The following APPL1 variants were observed in gnomAD, a reference collection of about 807,000 sequenced individuals.
APPL1 encodes adaptor protein, phosphotyrosine interacting with PH domain and leucine zipper 1.
A neutral mutation model predicts 106.8 loss-of-function variants in APPL1; 42 were observed. The ratio of observed to expected loss-of-function variants is 0.39; its 90% CI spans 0.31 to 0.51. APPL1 has a LOEUF of 0.51. Among genes scored for constraint, APPL1 ranks in the 20% least tolerant of loss-of-function variants. The pLI is 0.75. For missense variants in APPL1, 769 were observed against 858.2 expected (o/e 0.90, Z 1.30); for synonymous variants, 263 against 281.8 (o/e 0.93, Z 0.67).
chr3:57,262,481 C>T (rs1196374411), intron 19 of APPL1, among the ~76,000 whole-genome samples: 1 of 92,624 alleles, frequency 1.1e-5, no homozygotes, highest in Non-Finnish European at 2.0e-5. Context: ...TAACCTCCAC[C>T]TCCTGGATTA....
At chr3:57,253,190 G>A (rs1189580205) in intron 12 of APPL1, among the ~76,000 whole-genome samples, 2 of 151,918 alleles carry the variant, frequency 1.3e-5, no homozygotes, top group African/African-American at 4.8e-5. Context: ...TTGACAGAAG[G>A]GAGGCATGTA....
chr3:57,263,910 G>A (rs962405593), intron 19 of APPL1, among the ~76,000 whole-genome samples: 2 of 152,100 alleles, frequency 1.3e-5, no homozygotes, highest in Admixed American at 6.5e-5. Context: ...ATACCCAGCA[G>A]TGGGATTGCT....
intron 15 of APPL1, 55 bp from the exon 16 acceptor site, chr3:57,258,972 TC>T: frequency 7.6e-7 from 1 of 1,313,342 alleles, no homozygotes; most frequent in Non-Finnish European, 1.1e-6. Context: ...TTAGATTTCT[TC>T]TATGTGGCTC....
chr3:57,259,907 G>A lies in APPL1; in HGVS notation c.1546G>A (p.Asp516Asn), dbSNP rs1368901347. ...TGGTTCAATGGAGGTGAAATCAGAT[G>A]ACCATCCAGATGTTGTTTATGAAAC... The part of the protein sequence containing the change: ...FLGSMEVKSD[D>N]HPDVVYETMR... Residue 516 changes from aspartate (D) to asparagine (N), a missense_variant, in exon 17 of 22, where the codon GAC becomes AAC. Asp to Asn is a conservative substitution (Grantham distance 23). Transcript: ENST00000288266. 1 of 1,613,370 alleles carries A rather than the reference G, an allele frequency of 6.2e-7. No individual in the cohort carries two copies. The highest frequency in any genetic ancestry group is 1.3e-5 in the African/African-American group (1 of 74,854).
At chr3:57,253,119 C>A (rs1301676811) in intron 12 of APPL1, among the ~76,000 whole-genome samples, 2 of 152,024 alleles carry the variant, frequency 1.3e-5, no homozygotes, top group Non-Finnish European at 2.9e-5. Flanking sequence ...CACTTGAATC[C>A]TCGAGAGTGA....
At chr3:57,236,603 C>T (rs1387659625) in intron 2 of APPL1, among the ~76,000 whole-genome samples, 3 of 152,230 alleles carry the variant, frequency 2.0e-5, no homozygotes, top group Non-Finnish European at 4.4e-5. Flanking sequence ...GCTGGGATTA[C>T]AGGCGTGAGC....
At chr3:57,248,923 G>A (rs1294672092) in intron 10 of APPL1, among the ~76,000 whole-genome samples, 2 of 152,072 alleles carry the variant, frequency 1.3e-5, no homozygotes, top group Non-Finnish European at 2.9e-5. Flanking sequence ...TTCACATATT[G>A]TATCATAACA....
At position 57,250,208 on chromosome 3, in the gene APPL1, A is replaced by G. The variant is rs867431030; in HGVS notation, c.1052+660A>G. ...CTGGCTGCAGTGCAGTGGTGTAAAC[A>G]TGGCTCACTGTAGCCTCAACCTCCT... On this transcript the variant is annotated intron_variant, in intron 11 of 21. Transcript: ENST00000288266. Among the ~76,000 whole-genome samples the G allele has an allele frequency of 1.2e-4, 18 of 152,100 alleles. No homozygotes were observed. In the South Asian group the frequency reaches 1.5e-3, roughly 12 times the overall value.
chr3:57,239,429 A>G (rs2060733952), intron 4 of APPL1, among the ~76,000 whole-genome samples: 1 of 152,224 alleles, frequency 6.6e-6, no homozygotes, highest in African/African-American at 2.4e-5. Context: ...AATGTGTTCA[A>G]GGTTCATTCA....
rs1368312160 is a variant in APPL1 at position 57,268,480 on chromosome 3, T to C, written c.1976T>C (p.Ile659Thr). Residue 659 changes from isoleucine (I) to threonine (T), a missense_variant, in exon 21 of 22, where the codon ATT becomes ACT. By Grantham distance (89) the Ile-to-Thr change is moderately conservative (BLOSUM62 -1). Transcript: ENST00000288266. ...AAAGAACTCAATAAACAAAAACAGA[T>C]TGAAAAGGTATACAGTCCTAATGTC... Reference protein sequence around the residue: ...QQKELNKQKQIEKDLEEQSRL... With the variant: ...QQKELNKQKQTEKDLEEQSRL... 1.9e-6 allele frequency: 3 copies of C among 1,604,784 alleles called. No individual in the cohort carries two copies. The highest frequency in any genetic ancestry group is 2.7e-5 in the African/African-American group (2 of 74,460).
Position 57,260,715 on chromosome 3 carries a change from A to C in APPL1, c.1783A>C (p.Ser595Arg). ...GFVLRTSSGR[S>R]ESNLSSVCYI... is the part of the protein sequence containing the mutation. ...TGTTCTTCGGACATCAAGCGGGAGAAGTGAAAGTAATCTGTCATCAGTCTG... is the reference window on the plus strand; with the variant it reads ...TGTTCTTCGGACATCAAGCGGGAGACGTGAAAGTAATCTGTCATCAGTCTG... Residue 595 changes from serine (S) to arginine (R), a missense_variant, in exon 19 of 22, where the codon AGT (serine) becomes CGT (arginine). Transcript: ENST00000288266. 1 of 1,612,860 alleles carries C rather than the reference A, an allele frequency of 6.2e-7. No individual in the cohort carries two copies. The highest frequency in any genetic ancestry group is 1.3e-5 in the African/African-American group (1 of 75,012).
chr3:57,259,642 G>A (rs904266225), intron 16 of APPL1, among the ~76,000 whole-genome samples: 9 of 152,104 alleles, frequency 5.9e-5, no homozygotes, highest in Non-Finnish European at 1.3e-4. Context: ...ATTTGAATTT[G>A]AAACCCTAAT....
At chr3:57,246,020 A>G (rs1275368965) in intron 7 of APPL1, 56 bp from the exon 8 acceptor site, 2 of 1,330,710 alleles carry the variant, frequency 1.5e-6, no homozygotes, top group African/African-American at 1.5e-5. Context: ...ATAATACAAA[A>G]TTAAGTAAAT....
chr3:57,242,132 T>C lies in APPL1; in HGVS notation c.405T>C (p.Ile135=), dbSNP rs779723746. 5.0e-6 allele frequency: 8 copies of C among 1,594,928 alleles called. No homozygotes were observed. The African/African-American group carries it at 6.7e-5, about 13-fold the overall frequency. Residue 135 remains isoleucine, a synonymous_variant, in exon 6 of 22, where the codon ATT becomes ATC. Coordinates refer to ENST00000288266, the MANE Select transcript of APPL1 (RefSeq NM_012096.3). The part of the protein sequence containing the change: ...EILTLKEVFQ[I]ASNDHDAAIN... ...TAACATTAAAGGAAGTATTTCAGATTGCAAGTAATGGTAAGCCCTATAATT... is the reference window on the plus strand; with the variant it reads ...TAACATTAAAGGAAGTATTTCAGATCGCAAGTAATGGTAAGCCCTATAATT...
chr3:57,267,717 T>G (rs2060902465), intron 19 of APPL1, 25 bp from the exon 20 acceptor site: 3 of 1,611,892 alleles, frequency 1.9e-6, no homozygotes, highest in South Asian at 2.2e-5. Flanking sequence ...ACTGCCTGAA[T>G]TTTTCATACT....
intron 19 of APPL1, among the ~76,000 whole-genome samples, chr3:57,262,410 T>TTTTTTTTTTTTTTTTTTTTTTTA (rs869046266): frequency 7.1e-6 from 1 of 139,990 alleles, no homozygotes; most frequent in African/African-American, 2.6e-5. Flanking sequence ...TTTTTTTTTT[T>TTTTTTTTTTTTTTTTTTTTTTTA]GAGACAGACT....
At position 57,228,447 on chromosome 3, in the gene APPL1, C is replaced by T. The variant is rs1189202023; in HGVS notation, c.54+510C>T. 6.6e-6 allele frequency among the ~76,000 whole-genome samples: 1 copy of T among 152,220 alleles called. No individual in the cohort carries two copies. Among genetic ancestry groups the T allele is most frequent in the African/African-American group, 2.4e-5 (1 of 41,446 alleles). On this transcript the variant is annotated intron_variant, in intron 1 of 21. Transcript: ENST00000288266. The surrounding 1 kb of genome is among the most constrained non-coding windows in gnomAD (Gnocchi z 4.6). ...CTAATGGCAAAGCCCGTGACGGGTC[C>T]CGGAGCCCAAGACCGCTCTCCCCGC...
rs995116311 is a variant in APPL1, at chr3:57,268,479, A to G, written c.1975A>G (p.Ile659Val). The G allele has an allele frequency of 1.9e-6, 3 of 1,604,936 alleles. No homozygotes were observed. Among genetic ancestry groups the G allele is most frequent in the African/African-American group, 1.3e-5 (1 of 74,364 alleles). Reference protein sequence around the residue: ...QQKELNKQKQIEKDLEEQSRL... With the variant: ...QQKELNKQKQVEKDLEEQSRL... The stretch of plus-strand genomic sequence containing the variant: ...GAAAGAACTCAATAAACAAAAACAG[A>G]TTGAAAAGGTATACAGTCCTAATGT... The change falls in exon 21 of 22, where the codon ATT becomes GTT. Residue 659 changes from isoleucine to valine, a missense_variant. Transcript: ENST00000288266.
Position 57,235,654 on chromosome 3 carries a change from A to G in APPL1, c.143A>G (p.Tyr48Cys), listed in dbSNP as rs1232389093. ...TTGTATCAAGCTATGCATCGGATTT[A>G]TGATGCACAGGTAAAACACTAAGGA... Reference protein sequence around the residue: ...NQLYQAMHRIYDAQNELSAAT... With the variant: ...NQLYQAMHRICDAQNELSAAT... Residue 48 changes from tyrosine (Y) to cysteine (C), a missense_variant, in exon 2 of 22, where the codon TAT becomes TGT. Transcript: ENST00000288266. 3.1e-6 allele frequency: 5 copies of G among 1,611,270 alleles called. No individual in the cohort carries two copies. The African/African-American group carries it at 5.3e-5, about 17-fold the overall frequency.
Sources: gnomAD v4.1 joint callset for allele counts (sites outside exome capture counted in the v4.1 genomes callset) on GRCh38, gnomAD v4.1.1 for gene constraint, Gnocchi (gnomAD v3.1) non-coding constraint, MANE v1.5 for transcripts, NCBI Gene and HGNC (gene_info 2026-07-23, HGNC 2026-07-21) for gene names.